The following LIPA variants were observed in gnomAD, a reference collection of about 807,000 sequenced individuals.
The protein encoded by LIPA is lipase A, lysosomal acid type.
Under a neutral mutation model 40.6 loss-of-function variants are expected in LIPA, and 26 were observed. That is an observed-to-expected ratio of 0.64 (90% CI 0.47 to 0.89). LIPA has a LOEUF of 0.89. LIPA is among the 40% of genes least tolerant of loss of function. The pLI is 0.00. For synonymous variants in LIPA, 188 were observed against 168.4 expected (o/e 1.12, Z -0.90); for missense variants, 455 against 479.6 (o/e 0.95, Z 0.48).
chr10:89,319,697 C>G (rs1843560779), intron 1 of LIPA, among the ~76,000 whole-genome samples: 1 of 152,200 alleles, frequency 6.6e-6, no homozygotes, highest in Non-Finnish European at 1.5e-5. Context: ...AGGGAATCCT[C>G]CCTAACTCAT....
chr10:89,312,173 G>T (rs1265310914), intron 1 of LIPA, among the ~76,000 whole-genome samples: 1 of 152,168 alleles, frequency 6.6e-6, no homozygotes, highest in Non-Finnish European at 1.5e-5. Flanking sequence ...AGGTGCAGTG[G>T]CTCACACCTG....
intron 1 of LIPA, among the ~76,000 whole-genome samples, chr10:89,304,398 A>G (rs72814784): frequency 0.021 from 3,156 of 152,246 alleles, 62 homozygotes; most frequent in Admixed American, 0.055. Flanking sequence ...CCCAATCAAA[A>G]TGGGAGTGGG....
intron 1 of LIPA, among the ~76,000 whole-genome samples, chr10:89,250,093 C>A (rs368612441): frequency 2.2e-5 from 2 of 91,536 alleles, no homozygotes; most frequent in Non-Finnish European, 4.2e-5. Context: ...TTTTCTTTTT[C>A]TTTTCTTTTC....
At chr10:89,397,206 A>G (rs1402310987) in intron 2 of LIPA, among the ~76,000 whole-genome samples, 2 of 152,176 alleles carry the variant, frequency 1.3e-5, no homozygotes, top group Non-Finnish European at 2.9e-5. Context: ...TTGCTAATAT[A>G]TACAGTGTTG....
intron 1 of LIPA, chr10:89,339,473 A>G (rs2133569883): frequency 1.2e-6 from 2 of 1,614,096 alleles, no homozygotes; most frequent in Non-Finnish European, 1.7e-6. Context: ...TCCACACCAA[A>G]CAATGGCTAC....
chr10:89,234,015 G>C (rs1441879548), intron 3 of LIPA, among the ~76,000 whole-genome samples: 1 of 152,218 alleles, frequency 6.6e-6, no homozygotes, highest in Non-Finnish European at 1.5e-5. Context: ...CACGATGACT[G>C]TCTAACCCAG....
At chr10:89,303,244 T>G (rs774907799) in intron 1 of LIPA, among the ~76,000 whole-genome samples, 1 of 152,194 alleles carries the variant, frequency 6.6e-6, no homozygotes, top group Admixed American at 6.5e-5. Flanking sequence ...TGAGCATGCA[T>G]AAAAATTGCC....
rs1564755287 is a variant in LIPA, at chr10:89,228,229, TGA to T, written c.397_398del (p.Val134PhefsTer4). 3 of 1,613,380 alleles carry T rather than the reference TGA, an allele frequency of 1.9e-6. No homozygotes were observed. In the African/African-American group the frequency reaches 4.0e-5, roughly 22 times the overall value. On this transcript the variant is annotated frameshift_variant, in exon 4 of 10. Transcript: ENST00000336233. LOFTEE classifies it high-confidence loss of function. ...AAGCCCAGAATTCATCCTGAGAAAC[TGA>T]GAGTGTCTTATGTTTCCGAGACCAG... ...NTWSRKHKTLSVSQDEFWAFS... is the reference protein window; with the variant it reads ...NTWSRKHKTLXVSQDEFWAFS...
intron 1 of LIPA, among the ~76,000 whole-genome samples, chr10:89,260,538 G>A (rs1003224247): frequency 1.3e-5 from 2 of 152,180 alleles, no homozygotes; most frequent in South Asian, 2.1e-4. Context: ...GCCAGCAGGG[G>A]GCAGCAGTTC....
rs58016375 is a variant in LIPA at position 89,371,037 on chromosome 10, C to A, written c.61+41754G>T. Among the ~76,000 whole-genome samples the A allele has an allele frequency of 1.7e-4, 26 of 151,990 alleles. 1 individual carries two copies. In the East Asian group the frequency reaches 5.0e-3, roughly 29 times the overall value. The stretch of plus-strand genomic sequence containing the variant: ...TGTCTCAAAAAAACAAACAAACAAA[C>A]AAAAAATTTTCTCCAAGTATTGCCA... On this transcript the variant is annotated intron_variant, in intron 2 of 8. Coordinates refer to the LIPA transcript ENST00000371837.
upstream of LIPA, among the ~76,000 whole-genome samples, chr10:89,343,604 T>C (rs927599385): frequency 1.3e-5 from 2 of 152,194 alleles, no homozygotes; most frequent in African/African-American, 2.4e-5. Flanking sequence ...CAGTTCAAAG[T>C]ACTCAGCACA....
chr10:89,330,296 G>A (rs1271432750), intron 1 of LIPA, among the ~76,000 whole-genome samples: 1 of 152,170 alleles, frequency 6.6e-6, no homozygotes, highest in African/African-American at 2.4e-5. Context: ...ACCAAAATGG[G>A]GCTTAGAAGG....
rs559022458 is a variant in LIPA at position 89,312,894 on chromosome 10, G to T, written c.-2+29717C>A. Among the ~76,000 whole-genome samples, 5 of 152,148 alleles carry T rather than the reference G, an allele frequency of 3.3e-5. No individual in the cohort carries two copies. The South Asian group carries it at 8.3e-4, about 25-fold the overall frequency. On this transcript the variant is annotated intron_variant, in intron 1 of 5. Transcript: ENST00000282673. ...GAGAAAGCAGGGGCTTAGAGTGCATGCTTTCTGCAGGAATGAGAGCAAATT... is the reference window on the plus strand; with the variant it reads ...GAGAAAGCAGGGGCTTAGAGTGCATTCTTTCTGCAGGAATGAGAGCAAATT...
At chr10:89,258,337 A>C (rs1300047473) in intron 1 of LIPA, among the ~76,000 whole-genome samples, 2 of 152,210 alleles carry the variant, frequency 1.3e-5, no homozygotes, top group African/African-American at 4.8e-5. Context: ...TCCTGGAAAA[A>C]AATTGGAGAA....
intron 2 of LIPA, among the ~76,000 whole-genome samples, chr10:89,397,639 G>A (rs1208579762): frequency 6.6e-6 from 1 of 152,080 alleles, no homozygotes; most frequent in African/African-American, 2.4e-5. Context: ...GCCTCCCAAA[G>A]TGCTAAGATT....
At chr10:89,260,427 A>T (rs944688685) in intron 1 of LIPA, among the ~76,000 whole-genome samples, 3 of 152,220 alleles carry the variant, frequency 2.0e-5, no homozygotes, top group Non-Finnish European at 4.4e-5. Context: ...GAGGCTCAAA[A>T]CAGGAAGGCC....
intron 2 of LIPA, among the ~76,000 whole-genome samples, chr10:89,391,986 T>C (rs955152759): frequency 6.6e-6 from 1 of 152,184 alleles, no homozygotes; most frequent in Non-Finnish European, 1.5e-5. Context: ...AATGACAGTG[T>C]CCATGATGGA....
chr10:89,304,578 AG>A (rs1237532171), intron 1 of LIPA, among the ~76,000 whole-genome samples: 2 of 152,180 alleles, frequency 1.3e-5, no homozygotes, highest in Non-Finnish European at 2.9e-5. Flanking sequence ...TCCTGATACA[AG>A]GGTTGCTGTA....
chr10:89,269,666 G>A (rs903653806), intron 1 of LIPA, among the ~76,000 whole-genome samples: 1 of 152,154 alleles, frequency 6.6e-6, no homozygotes, highest in African/African-American at 2.4e-5. Context: ...AATTTAAAGC[G>A]ATGCGTTGGC....
Sources: gnomAD v4.1 joint callset for allele counts (sites outside exome capture counted in the v4.1 genomes callset) on GRCh38, gnomAD v4.1.1 for gene constraint, MANE v1.5 for transcripts, NCBI Gene and HGNC (gene_info 2026-07-23, HGNC 2026-07-21) for gene names.